TRPM3: variants seen among roughly 807,000 people sequenced by gnomAD.
TRPM3 encodes the protein transient receptor potential cation channel subfamily M member 3, also known as long transient receptor potential channel 3.
Under a neutral mutation model 181.2 loss-of-function variants are expected in TRPM3, and 77 were observed. The ratio of observed to expected loss-of-function variants is 0.42; its 90% CI spans 0.35 to 0.51. The LOEUF (loss-of-function observed/expected upper bound fraction) is 0.51. TRPM3 is among the 20% of genes least tolerant of loss of function. TRPM3 has a pLI of 0.01. For synonymous variants in TRPM3, 745 were observed against 796.4 expected (o/e 0.94, Z 1.09); for missense variants, 1,759 against 2,196.7 (o/e 0.80, Z 3.98).
chr9:71,121,650 G>C, upstream of TRPM3: 1 of 1,148,658 alleles, frequency 8.7e-7, no homozygotes, highest in Non-Finnish European at 1.1e-6. Context: ...TCTCCTCCCA[G>C]TAAACGCAGG....
At chr9:71,442,018 CAACAGAAACGA>C (rs1263846292) in intron 1 of TRPM3, among the ~76,000 whole-genome samples, 13 of 152,196 alleles carry the variant, frequency 8.5e-5, no homozygotes, top group African/African-American at 3.1e-4. Context: ...GGCAAGTCAA[CAACAGAAACGA>C]ATGGTAGGTT....
intron 25 of TRPM3, among the ~76,000 whole-genome samples, chr9:70,542,586 G>A (rs1054025071): frequency 3.9e-5 from 6 of 152,186 alleles, no homozygotes; most frequent in African/African-American, 1.2e-4. Context: ...GAAGATTATG[G>A]TGGCACAGAA....
chr9:70,619,795 T>TA lies in TRPM3; in HGVS notation c.2129+280dup, dbSNP rs1471766969. 3.9e-5 allele frequency among the ~76,000 whole-genome samples: 6 copies of TA among 152,178 alleles called. No individual in the cohort carries two copies. The East Asian group carries it at 1.2e-3, about 29-fold the overall frequency. On this transcript the variant is annotated intron_variant, in intron 16 of 25. Coordinates refer to ENST00000677713, the MANE Select transcript of TRPM3 (RefSeq NM_001366145.2). ...AATGTGTGATCTTGGACAGGTTACT[T>TA]AAATTCTCTGAGCCCCATTTTTCCT...
At chr9:71,209,783 C>T (rs1028095655) in intron 1 of TRPM3, among the ~76,000 whole-genome samples, 3 of 152,206 alleles carry the variant, frequency 2.0e-5, no homozygotes. Flanking sequence ...AATTATATGA[C>T]ATTTAAATGT....
chr9:71,316,806 G>A (rs2088637298), intron 1 of TRPM3, among the ~76,000 whole-genome samples: 1 of 152,008 alleles, frequency 6.6e-6, no homozygotes, highest in Admixed American at 6.6e-5. Context: ...AAGATTGTGG[G>A]AATTAATTAC....
At chr9:71,369,420 T>C (rs1476918638) in intron 1 of TRPM3, among the ~76,000 whole-genome samples, 1 of 152,172 alleles carries the variant, frequency 6.6e-6, no homozygotes, top group East Asian at 1.9e-4. Context: ...TTAGAGATAC[T>C]GAACAAAAAT....
At chr9:71,155,477 CTTATTTTTAT>C (rs1432756881) in intron 1 of TRPM3, among the ~76,000 whole-genome samples, 1 of 45,930 alleles carries the variant, frequency 2.2e-5, no homozygotes, top group African/African-American at 7.0e-5. Flanking sequence ...CACCACCATG[CTTATTTTTAT>C]TTTATTTTAT....
intron 22 of TRPM3, among the ~76,000 whole-genome samples, chr9:70,557,097 G>T (rs10746848): frequency 0.54 from 82,781 of 152,090 alleles, 22,813 homozygotes; most frequent in East Asian, 0.73. Context: ...TTGGGAATTA[G>T]AGAGATGCTT....
At chr9:70,563,403 A>C (rs2049656981) in intron 22 of TRPM3, among the ~76,000 whole-genome samples, 2 of 152,152 alleles carry the variant, frequency 1.3e-5, no homozygotes, top group Admixed American at 1.3e-4. Flanking sequence ...AAACAAGCTA[A>C]ATTTCCCTTG....
rs2041113893 is a variant in TRPM3, at chr9:70,533,085, A to G, written c.*2868T>C. The stretch of plus-strand genomic sequence containing the variant: ...TAGAACTTAATTTTCATGCACAACA[A>G]AAGAATCAGGTAATTGCAAGATCAG... On this transcript the variant is annotated 3_prime_UTR_variant, in exon 26 of 26. Transcript: ENST00000677713. The G allele has an allele frequency of 6.6e-6, 1 of 152,220 alleles. No homozygotes were observed. The highest frequency in any genetic ancestry group is 1.5e-5 in the Non-Finnish European group (1 of 68,030). 9.4% of individuals were successfully genotyped at this position (152,220 alleles called of 1,614,324 possible). A position where few individuals can be genotyped will look rare whatever the true frequency, so the allele number is the denominator to read the frequency against.
chr9:71,034,302 C>T (rs2057910864), intron 1 of TRPM3, among the ~76,000 whole-genome samples: 1 of 152,026 alleles, frequency 6.6e-6, no homozygotes, highest in South Asian at 2.1e-4. Flanking sequence ...GGGGAGTTCA[C>T]ATTTATTGAT....
chr9:70,594,270 G>C (rs1362250954), intron 21 of TRPM3, among the ~76,000 whole-genome samples: 1 of 152,080 alleles, frequency 6.6e-6, no homozygotes, highest in Non-Finnish European at 1.5e-5. Context: ...AATGTGGTAA[G>C]TTCTCCATAA....
chr9:71,331,640 G>A (rs1377001379), intron 1 of TRPM3, among the ~76,000 whole-genome samples: 4 of 149,768 alleles, frequency 2.7e-5, no homozygotes, highest in Non-Finnish European at 5.9e-5. Flanking sequence ...GAAGAAAAAG[G>A]AGGAGGAAGA....
intron 1 of TRPM3, among the ~76,000 whole-genome samples, chr9:71,145,370 C>A (rs879613608): frequency 2.4e-4 from 37 of 152,116 alleles, no homozygotes; most frequent in African/African-American, 8.7e-4. Context: ...CTGCCCTTTC[C>A]TTTTCCGGTA....
chr9:70,831,985 A>T (rs1332854078), intron 5 of TRPM3, among the ~76,000 whole-genome samples: 1 of 128,658 alleles, frequency 7.8e-6, no homozygotes, highest in African/African-American at 2.9e-5. Context: ...ATATATATAT[A>T]TATATATATA....
intron 9 of TRPM3, among the ~76,000 whole-genome samples, chr9:70,673,369 C>T (rs2063351382): frequency 6.6e-6 from 1 of 151,810 alleles, no homozygotes; most frequent in African/African-American, 2.4e-5. Context: ...GAAGCTTGAT[C>T]TGCAAGTCAG....
intron 1 of TRPM3, among the ~76,000 whole-genome samples, chr9:71,072,477 A>G (rs1459393784): frequency 6.6e-6 from 1 of 152,052 alleles, no homozygotes; most frequent in East Asian, 1.9e-4. Flanking sequence ...AACTCACTTA[A>G]TCCTCCCAAT....
intron 1 of TRPM3, among the ~76,000 whole-genome samples, chr9:71,064,415 C>T (rs2061667590): frequency 6.7e-6 from 1 of 150,048 alleles, no homozygotes; most frequent in South Asian, 2.1e-4. Context: ...AGGTAAGTAT[C>T]ACCATGGTTT....
At chr9:70,597,166 C>T (rs1177184870) in intron 21 of TRPM3, among the ~76,000 whole-genome samples, 1 of 152,150 alleles carries the variant, frequency 6.6e-6, no homozygotes, top group African/African-American at 2.4e-5. Context: ...CTCCCGACCT[C>T]AGGTGATCTG....
Sources: allele counts gnomAD v4.1 joint callset (sites outside exome capture counted in the v4.1 genomes callset), GRCh38; gene constraint gnomAD v4.1.1; transcripts MANE v1.5; gene names NCBI Gene and HGNC (gene_info 2026-07-23, HGNC 2026-07-21).